The following PHEX variants were observed in gnomAD, a reference collection of about 807,000 sequenced individuals.
PHEX encodes phosphate-regulating neutral endopeptidase PHEX.
PHEX carries 16 observed loss-of-function variants against 68.0 expected under a neutral mutation model. The ratio of observed to expected loss-of-function variants is 0.24; its 90% confidence interval spans 0.16 to 0.36. PHEX has a LOEUF of 0.36. PHEX is among the 10% of genes least tolerant of loss of function. The probability of loss-of-function intolerance (pLI) is 1.00; values close to 1 mark genes in which losing one functional copy is unlikely to be tolerated. For synonymous variants in PHEX, 208 were observed against 205.1 expected, an observed-to-expected ratio of 1.01 and a Z score of -0.12; for missense variants, 480 against 575.5, an observed-to-expected ratio of 0.83 and a Z score of 1.70.
chrX:22,201,810 A>G (rs749637132), intron 15 of PHEX, among the ~76,000 whole-genome samples: 67 of 111,492 alleles, frequency 6.0e-4, no homozygotes, highest in Non-Finnish European at 1.3e-4. Context: ...TGATTATCAG[A>G]GTCAACCTGA....
chrX:22,204,879 A>G (rs1004859710), intron 15 of PHEX, among the ~76,000 whole-genome samples: 4 of 111,718 alleles, frequency 3.6e-5, no homozygotes, highest in African/African-American at 1.3e-4. Flanking sequence ...ACTGATACAT[A>G]GAGTAGTTTA....
At chrX:22,087,452 G>A (rs56209620) in intron 5 of PHEX, among the ~76,000 whole-genome samples, 6,526 of 111,170 alleles carry the variant, frequency 0.059, 268 homozygotes, top group African/African-American at 0.14. Context: ...CAGACAAGAT[G>A]GGTGTTTTGA....
Position 22,069,145 on chromosome X carries a change from AAAAAATAT to A in PHEX, c.350-7239_350-7232del, listed in dbSNP as rs1928768223. ...TGAGACTGTCTCAAATAGGAGGGAG[AAAAAATAT>A]AAATAATTAGAGTTAGTAGTAAAAA... On this transcript the variant is annotated intron_variant, in intron 3 of 21. Coordinates refer to ENST00000379374, the MANE Select transcript of PHEX (RefSeq NM_000444.6). Among the ~76,000 whole-genome samples, 2 of 111,833 alleles carry A rather than the reference AAAAAATAT, an allele frequency of 1.8e-5. 1 individual carries two copies. The highest frequency in any genetic ancestry group is 7.5e-4 in the South Asian group (2 of 2,666).
chrX:22,108,413 C>T (rs759213899), intron 9 of PHEX, among the ~76,000 whole-genome samples: 1 of 111,240 alleles, frequency 9.0e-6, no homozygotes, highest in Admixed American at 9.6e-5. Flanking sequence ...ATCCAGTGTA[C>T]ATTACTTGGG....
chrX:22,141,848 G>A (rs1932477535), intron 12 of PHEX, among the ~76,000 whole-genome samples: 1 of 112,032 alleles, frequency 8.9e-6, no homozygotes, highest in Non-Finnish European at 1.9e-5. Context: ...CCATACATAG[G>A]CTTTGAAAGG....
chrX:22,142,816 C>T (rs181837133), intron 12 of PHEX, among the ~76,000 whole-genome samples: 3 of 112,576 alleles, frequency 2.7e-5, no homozygotes, highest in African/African-American at 6.4e-5. Context: ...TTGATATCAT[C>T]CAGTTATACT....
At chrX:22,106,880 G>A (rs73462627) in intron 9 of PHEX, among the ~76,000 whole-genome samples, 2,377 of 110,452 alleles carry the variant, frequency 0.022, 62 homozygotes, top group African/African-American at 0.075. Flanking sequence ...GGTCTGGTCC[G>A]GCCTCCATTG....
At chrX:22,235,994 A>T (rs1043278742) in intron 20 of PHEX, among the ~76,000 whole-genome samples, 1 of 111,396 alleles carries the variant, frequency 9.0e-6, no homozygotes, top group African/African-American at 3.3e-5. Context: ...ACTCCACTCA[A>T]TCCAATTCAA....
intron 13 of PHEX, 40 bp from the exon 14 acceptor site, chrX:22,178,233 C>A: frequency 1.1e-6 from 1 of 929,963 alleles, no homozygotes; most frequent in Non-Finnish European, 1.5e-6. Context: ...CATCTTTTAT[C>A]TTTACTTAGA....
chrX:22,249,455 A>AAAAAAAAATATATATAT lies in PHEX; in HGVS notation c.*1503_*1504insAAAAAAATATATATATA. 8 of 39,756 alleles carry AAAAAAAAATATATATAT rather than the reference A, an allele frequency of 2.0e-4. No homozygotes were observed. Among genetic ancestry groups the AAAAAAAAATATATATAT allele is most frequent in the Non-Finnish European group, 3.3e-4 (8 of 24,469 alleles). The allele number at this position is 39,756 out of a possible 1,213,427, so 3.3% of individuals were successfully genotyped here. ...TTGTGATTCTTTTAAAAAAAAAAAAAATATATATATATATATATATATATA... is the reference window on the plus strand; with the variant it reads ...TTGTGATTCTTTTAAAAAAAAAAAAAAAAAAAAATATATATATATATATATATATATATATATATATA... On this transcript the variant is annotated 3_prime_UTR_variant, in exon 22 of 22. Transcript: ENST00000379374.
intron 3 of PHEX, among the ~76,000 whole-genome samples, chrX:22,067,222 A>G (rs984880807): frequency 1.8e-5 from 2 of 109,756 alleles, no homozygotes; most frequent in African/African-American, 3.3e-5. Context: ...AGCCCAGGCA[A>G]CAGAGTGAGG....
At chrX:22,047,000 A>G in intron 2 of PHEX, 50 bp from the exon 3 acceptor site, 1 of 1,048,293 alleles carries the variant, frequency 9.5e-7, no homozygotes, top group Non-Finnish European at 1.3e-6. Context: ...AAAGAACAGT[A>G]TACAACATTC....
In PHEX at chrX:22,247,954, C is replaced by G. The variant is rs754974866; in HGVS notation, c.*1C>G. ...CATGGACTCCTGCCGACTCTGGTAG[C>G]TGGGACGCTGGTTTATGGCATCCTG... On this transcript the variant is annotated 3_prime_UTR_variant, in exon 22 of 22. Transcript: ENST00000379374. 1 of 1,174,381 alleles carries G rather than the reference C, an allele frequency of 8.5e-7. No homozygotes were observed. Among genetic ancestry groups the G allele is most frequent in the Non-Finnish European group, 1.2e-6 (1 of 861,257 alleles).
intron 3 of PHEX, among the ~76,000 whole-genome samples, chrX:22,070,998 A>T (rs1928875423): frequency 8.9e-6 from 1 of 111,884 alleles, no homozygotes; most frequent in Non-Finnish European, 1.9e-5. Flanking sequence ...TGAGCTGCAG[A>T]TGGCTGTTAT....
chrX:22,116,486 T>G (rs1931236986), intron 11 of PHEX, among the ~76,000 whole-genome samples: 1 of 111,680 alleles, frequency 9.0e-6, no homozygotes, highest in Admixed American at 9.5e-5. Flanking sequence ...TGGATGCAGG[T>G]GGTCAATAAA....
intron 20 of PHEX, among the ~76,000 whole-genome samples, chrX:22,240,513 C>G (rs1029850578): frequency 9.0e-6 from 1 of 110,646 alleles, no homozygotes; most frequent in Non-Finnish European, 1.9e-5. Flanking sequence ...CAGAGACACA[C>G]ATAGACTCAA....
intron 7 of PHEX, among the ~76,000 whole-genome samples, chrX:22,094,320 T>C (rs1930039816): frequency 1.8e-5 from 2 of 112,321 alleles, no homozygotes; most frequent in Admixed American, 9.5e-5. Flanking sequence ...CCTCATTCCT[T>C]CCACCTCCCT....
intron 20 of PHEX, among the ~76,000 whole-genome samples, chrX:22,244,569 T>C (rs1936335645): frequency 9.0e-6 from 1 of 111,166 alleles, no homozygotes; most frequent in Non-Finnish European, 1.9e-5. Context: ...GCCATTGCAC[T>C]CCAGCCTGGG....
At chrX:22,219,305 C>T (rs1744205709) in intron 17 of PHEX, among the ~76,000 whole-genome samples, 3 of 112,404 alleles carry the variant, frequency 2.7e-5, no homozygotes, top group Admixed American at 9.4e-5. Flanking sequence ...CATTGGTGAT[C>T]GGGGTAGACT....
Sources: gnomAD v4.1 joint callset for allele counts (sites outside exome capture counted in the v4.1 genomes callset) on GRCh38, gnomAD v4.1.1 for gene constraint, MANE v1.5 for transcripts, NCBI Gene and HGNC (gene_info 2026-07-23, HGNC 2026-07-21) for gene names.